Variants in NRG3 observed in about 807,000 individuals in gnomAD.
The protein encoded by NRG3 is pro-neuregulin-3, membrane-bound isoform.
A neutral mutation model predicts 66.9 loss-of-function variants in NRG3; 31 were observed. The ratio of observed to expected loss-of-function variants is 0.46; its 90% confidence interval spans 0.35 to 0.63. The LOEUF is 0.63. Ranked by LOEUF, NRG3 falls within the 20% of genes least tolerant of loss-of-function variation. The pLI, the probability that NRG3 is intolerant of heterozygous loss-of-function variation, is 0.00. For synonymous variants in NRG3, 393 were observed against 359.4 expected, an observed-to-expected ratio of 1.09 and a Z score of -1.06; for missense variants, 910 against 878.9, an observed-to-expected ratio of 1.04 and a Z score of -0.45.
At chr10:82,563,647 A>G (rs1477336822) in intron 2 of NRG3, among the ~76,000 whole-genome samples, 1 of 152,004 alleles carries the variant, frequency 6.6e-6, no homozygotes, top group Non-Finnish European at 1.5e-5. Context: ...AAAACATCAC[A>G]TATTTATGGT....
intron 1 of NRG3, chr10:82,232,744 C>T (rs962840751): frequency 1.5e-5 from 11 of 717,072 alleles, no homozygotes; most frequent in Non-Finnish European, 2.6e-5. Flanking sequence ...ACTCACAGGT[C>T]CTAGAGACAG....
intron 2 of NRG3, among the ~76,000 whole-genome samples, chr10:82,414,582 T>C (rs2088389608): frequency 6.6e-6 from 1 of 152,118 alleles, no homozygotes; most frequent in African/African-American, 2.4e-5. Flanking sequence ...AACCTTTAAT[T>C]TGTAAAAAAC....
chr10:82,001,306 C>T (rs1289354988), intron 1 of NRG3, among the ~76,000 whole-genome samples: 2 of 151,858 alleles, frequency 1.3e-5, no homozygotes, highest in African/African-American at 4.8e-5. Flanking sequence ...AGTTTGAGAC[C>T]AGCCTGGCCA....
chr10:82,831,525 T>C (rs1449469364), intron 3 of NRG3, among the ~76,000 whole-genome samples: 3 of 152,140 alleles, frequency 2.0e-5, no homozygotes, highest in African/African-American at 7.2e-5. Flanking sequence ...ATTTTAATGA[T>C]GAAGTCTTGG....
intron 4 of NRG3, among the ~76,000 whole-genome samples, chr10:82,902,527 AT>A (rs1260575229): frequency 6.6e-6 from 1 of 152,080 alleles, no homozygotes; most frequent in African/African-American, 2.4e-5. Context: ...AAGTTAATCT[AT>A]TTTTGAAAGG....
chr10:82,531,890 G>T (rs1847307560), intron 2 of NRG3, among the ~76,000 whole-genome samples: 1 of 151,786 alleles, frequency 6.6e-6, no homozygotes, highest in Admixed American at 6.6e-5. Flanking sequence ...TTGTACAGCA[G>T]TTCTCTAGAG....
intron 1 of NRG3, among the ~76,000 whole-genome samples, chr10:81,900,672 ATTTG>A (rs1843980819): frequency 6.6e-6 from 1 of 152,192 alleles, no homozygotes; most frequent in African/African-American, 2.4e-5. Flanking sequence ...CTAATCTAAA[ATTTG>A]TTTGTATGTT....
chr10:82,577,180 T>C (rs1414984246), intron 2 of NRG3, among the ~76,000 whole-genome samples: 1 of 151,816 alleles, frequency 6.6e-6, no homozygotes, highest in Non-Finnish European at 1.5e-5. Flanking sequence ...TGTGTCTTAT[T>C]CCTTTAGATA....
chr10:82,866,155 G>A (rs776678167), intron 4 of NRG3, among the ~76,000 whole-genome samples: 40 of 152,102 alleles, frequency 2.6e-4, no homozygotes, highest in Admixed American at 1.2e-3. Flanking sequence ...TGGATGGAAA[G>A]ACACTCAGGA....
chr10:81,976,574 A>G (rs2060131227), intron 1 of NRG3, among the ~76,000 whole-genome samples: 1 of 152,158 alleles, frequency 6.6e-6, no homozygotes, highest in East Asian at 1.9e-4. Flanking sequence ...AAAGAAACAC[A>G]TTTTTGTTGG....
chr10:82,378,863 G>T (rs903243068), intron 2 of NRG3, among the ~76,000 whole-genome samples: 3 of 152,028 alleles, frequency 2.0e-5, no homozygotes, highest in African/African-American at 4.8e-5. Context: ...GAGCCGCCGC[G>T]CCTGGCTGCT....
At chr10:82,155,532 G>A (rs751142898) in intron 1 of NRG3, among the ~76,000 whole-genome samples, 1 of 151,656 alleles carries the variant, frequency 6.6e-6, no homozygotes, top group Non-Finnish European at 1.5e-5. Context: ...GTTCTCATAT[G>A]GCTGTGTAAA....
intron 3 of NRG3, among the ~76,000 whole-genome samples, chr10:82,863,955 G>T (rs560281159): frequency 3.0e-4 from 46 of 152,286 alleles, no homozygotes; most frequent in African/African-American, 1.1e-3. Flanking sequence ...AAGCAGTCAA[G>T]AAATGCCAGG....
chr10:82,796,107 T>G (rs2135404289), intron 3 of NRG3, among the ~76,000 whole-genome samples: 2 of 152,298 alleles, frequency 1.3e-5, no homozygotes, highest in South Asian at 4.1e-4. Context: ...ATAAAATGTC[T>G]AAGACAGACT....
chr10:82,029,832 T>G (rs1305025941), intron 1 of NRG3, among the ~76,000 whole-genome samples: 2 of 152,118 alleles, frequency 1.3e-5, no homozygotes, highest in African/African-American at 2.4e-5. Flanking sequence ...ATTAGGAGTT[T>G]GGGACATTTT....
At chr10:81,936,096 C>T (rs1847844636) in intron 1 of NRG3, among the ~76,000 whole-genome samples, 2 of 152,166 alleles carry the variant, frequency 1.3e-5, no homozygotes, top group African/African-American at 2.4e-5. Context: ...TATTATACTT[C>T]CTTGTGTTAT....
intron 3 of NRG3, among the ~76,000 whole-genome samples, chr10:82,845,046 C>T (rs342383): frequency 0.18 from 28,045 of 151,882 alleles, 3,013 homozygotes; most frequent in African/African-American, 0.31. Flanking sequence ...TCCCAGCTAC[C>T]TGGGAGGCTG....
At position 82,382,354 on chromosome 10, in the gene NRG3, C is replaced by T. The variant is rs142862598; in HGVS notation, c.953+23486C>T. On this transcript the variant is annotated intron_variant, in intron 2 of 8. Coordinates refer to ENST00000372141, the MANE Select transcript of NRG3 (RefSeq NM_001010848.4). ...AGTAGCTTATAGGTTTTTATGGACT[C>T]ATTCAAATCCCTTAATAATTATTTT... Among the ~76,000 whole-genome samples, 414 of 151,948 alleles carry T rather than the reference C, an allele frequency of 2.7e-3. 1 individual carries two copies. Among genetic ancestry groups the T allele is most frequent in the African/African-American group, 9.3e-3 (387 of 41,486 alleles).
At chr10:82,028,523 G>C (rs1455719732) in intron 1 of NRG3, among the ~76,000 whole-genome samples, 5 of 152,046 alleles carry the variant, frequency 3.3e-5, no homozygotes, top group Non-Finnish European at 5.9e-5. Flanking sequence ...CTTAGTAGTT[G>C]CTTGTTGAAT....
Sources: gnomAD v4.1 joint callset for allele counts (sites outside exome capture counted in the v4.1 genomes callset) on GRCh38, gnomAD v4.1.1 for gene constraint, MANE v1.5 for transcripts, NCBI Gene and HGNC (gene_info 2026-07-23, HGNC 2026-07-21) for gene names.